Variants in CDH20 observed in about 807,000 individuals in gnomAD.
CDH20 encodes the protein cadherin-20.
In CDH20, 29 loss-of-function variants were observed where a neutral mutation model predicts 74.2. The ratio of observed to expected loss-of-function variants is 0.39; its 90% confidence interval spans 0.29 to 0.53. The LOEUF (loss-of-function observed/expected upper bound fraction) is 0.53. Ranked by LOEUF, CDH20 falls within the 20% of genes least tolerant of loss-of-function variation. The pLI, the probability that CDH20 is intolerant of heterozygous loss-of-function variation, is 0.69. For missense variants in CDH20, 988 were observed against 1,048.3 expected, an observed-to-expected ratio of 0.94 and a Z score of 0.79; for synonymous variants, 469 against 405.4, an observed-to-expected ratio of 1.16 and a Z score of -1.88.
intron 1 of CDH20, among the ~76,000 whole-genome samples, chr18:61,422,568 C>T (rs895092532): frequency 3.3e-5 from 5 of 152,144 alleles, no homozygotes; most frequent in Admixed American, 2.6e-4. Context: ...TATAACTGCA[C>T]ATTACATTTT....
At chr18:61,346,353 T>C (rs1910114269) in intron 1 of CDH20, among the ~76,000 whole-genome samples, 1 of 152,154 alleles carries the variant, frequency 6.6e-6, no homozygotes, top group Non-Finnish European at 1.5e-5. Flanking sequence ...ATCCTTGAGA[T>C]GAAAGGAAAC....
chr18:61,514,434 C>T (rs896330741), intron 6 of CDH20, among the ~76,000 whole-genome samples: 8 of 152,100 alleles, frequency 5.3e-5, no homozygotes, highest in African/African-American at 1.9e-4. Flanking sequence ...ACTTCTTTGC[C>T]TTTGGTTTGA....
chr18:61,524,707 G>T (rs1045113483), intron 6 of CDH20, among the ~76,000 whole-genome samples: 1 of 152,222 alleles, frequency 6.6e-6, no homozygotes, highest in Non-Finnish European at 1.5e-5. Context: ...TATCACCTGA[G>T]GTCAAGAGTT....
chr18:61,553,131 T>C (rs1046998681), intron 11 of CDH20, among the ~76,000 whole-genome samples: 2 of 152,198 alleles, frequency 1.3e-5, no homozygotes, highest in Non-Finnish European at 2.9e-5. Flanking sequence ...ATCATTGTTG[T>C]GAGTTTTATT....
At chr18:61,518,306 C>T (rs1007952234) in intron 6 of CDH20, among the ~76,000 whole-genome samples, 1 of 152,176 alleles carries the variant, frequency 6.6e-6, no homozygotes, top group Admixed American at 6.5e-5. Context: ...TCCTTGACCC[C>T]CGTGCCTCCT....
chr18:61,334,546 G>T (rs1396894131), intron 1 of CDH20: 1 of 152,636 alleles, frequency 6.6e-6, no homozygotes, highest in African/African-American at 2.4e-5. Flanking sequence ...AGAGCCGGGG[G>T]CAAGGGGGTC....
intron 4 of CDH20, 136 bp from the exon 5 acceptor site, chr18:61,502,817 T>C: frequency 4.8e-6 from 3 of 624,178 alleles, no homozygotes; most frequent in Non-Finnish European, 7.7e-6. Context: ...TTTTTTTACC[T>C]CAAATTTAAA....
At chr18:61,444,668 T>C (rs1909144176) in intron 1 of CDH20, among the ~76,000 whole-genome samples, 1 of 152,164 alleles carries the variant, frequency 6.6e-6, no homozygotes, top group African/African-American at 2.4e-5. Flanking sequence ...TCTACATGGG[T>C]GGCTGATGTT....
intron 6 of CDH20, among the ~76,000 whole-genome samples, chr18:61,514,179 CTT>C (rs1911893056): frequency 6.6e-6 from 1 of 151,608 alleles, no homozygotes; most frequent in Non-Finnish European, 1.5e-5. Flanking sequence ...TCCCATATTT[CTT>C]GGAGGCTTTG....
intron 1 of CDH20, among the ~76,000 whole-genome samples, chr18:61,484,644 T>C (rs8085674): frequency 0.017 from 2,612 of 152,166 alleles, 73 homozygotes; most frequent in African/African-American, 0.057. Context: ...AGGTAACATA[T>C]GGCAAGTTTT....
At position 61,538,719 on chromosome 18, in the gene CDH20, C is replaced by T. The variant is rs148830622; in HGVS notation, c.1409-305C>T. ...CTGCAAGCTCCACCTCCCGGGTTCA[C>T]GCCATTCTCCTGCCTCAGTCTCCCA... On this transcript the variant is annotated intron_variant, in intron 8 of 11. Coordinates refer to ENST00000262717, the MANE Select transcript of CDH20 (RefSeq NM_031891.4). Among the ~76,000 whole-genome samples the T allele has an allele frequency of 5.2e-3, 778 of 149,030 alleles. 12 individuals are homozygous for T. The highest frequency in any genetic ancestry group is 0.018 in the African/African-American group (747 of 40,616).
chr18:61,555,175 A>T lies in CDH20; in HGVS notation c.*480A>T. 1.0e-6 allele frequency: 1 copy of T among 989,534 alleles called. No individual in the cohort carries two copies. The highest frequency in any genetic ancestry group is 1.2e-6 in the Non-Finnish European group (1 of 832,658). 61.3% of individuals were successfully genotyped at this position (989,534 alleles called of 1,614,324 possible). A position where few individuals can be genotyped will look rare whatever the true frequency, so the allele number is the denominator to read the frequency against. On this transcript the variant is annotated 3_prime_UTR_variant, in exon 12 of 12. Transcript: ENST00000262717. ...AAACCAACCCACAAGAAAGAACAAA[A>T]AACTTGTTACTCAGTGAAATTAACC...
chr18:61,545,247 A>C, intron 10 of CDH20, 103 bp downstream of exon 10: 1 of 765,724 alleles, frequency 1.3e-6, no homozygotes, highest in Non-Finnish European at 2.4e-6. Flanking sequence ...CCTGTTCCAT[A>C]CCAGCAGGGA....
Position 61,554,984 on chromosome 18 carries a change from G to A in CDH20, c.*289G>A, listed in dbSNP as rs913256687. 3 of 1,243,864 alleles carry A rather than the reference G, an allele frequency of 2.4e-6. No homozygotes were observed. In the Admixed American group the frequency reaches 1.1e-4, roughly 47 times the overall value. The allele number at this position is 1,243,864 out of a possible 1,614,324, so 77.1% of individuals were successfully genotyped here. ...TGGAGTCCAAGGTGTTCTGACAAGG[G>A]TGGCTTTTCTCTGCCATTCGCTAAG... On this transcript the variant is annotated 3_prime_UTR_variant, in exon 12 of 12. Transcript: ENST00000262717.
chr18:61,460,862 A>G (rs570860028), intron 1 of CDH20, among the ~76,000 whole-genome samples: 1 of 152,342 alleles, frequency 6.6e-6, no homozygotes, highest in African/African-American at 2.4e-5. Flanking sequence ...CAATATTTAA[A>G]AACTTTCTTA....
chr18:61,405,000 GT>G, intron 1 of CDH20: 1 of 707,944 alleles, frequency 1.4e-6, no homozygotes, highest in East Asian at 2.7e-5. Context: ...ATGGACACCA[GT>G]TTTGACCAAC....
intron 5 of CDH20, among the ~76,000 whole-genome samples, chr18:61,507,025 C>G (rs1323321674): frequency 6.6e-6 from 1 of 152,188 alleles, no homozygotes; most frequent in East Asian, 1.9e-4. Flanking sequence ...TCAGAAGGAA[C>G]TGCAATTTAA....
chr18:61,393,155 T>C (rs758570602), intron 1 of CDH20, among the ~76,000 whole-genome samples: 73 of 152,234 alleles, frequency 4.8e-4, no homozygotes, highest in Non-Finnish European at 8.5e-4. Context: ...TCTGTTGCCA[T>C]GTTCCTAAGA....
intron 1 of CDH20, among the ~76,000 whole-genome samples, chr18:61,478,762 G>C (rs144658900): frequency 1.3e-5 from 2 of 152,112 alleles, no homozygotes; most frequent in Non-Finnish European, 2.9e-5. Flanking sequence ...TAGTAAACGG[G>C]AAAGTGGCAA....
Sources: gnomAD v4.1 joint callset for allele counts (sites outside exome capture counted in the v4.1 genomes callset) on GRCh38, gnomAD v4.1.1 for gene constraint, MANE v1.5 for transcripts, NCBI Gene and HGNC (gene_info 2026-07-23, HGNC 2026-07-21) for gene names.